Variants in NEGR1 observed in about 807,000 individuals in gnomAD.
The protein encoded by NEGR1 is IgLON family member 4.
Under a neutral mutation model 40.9 loss-of-function variants are expected in NEGR1, and 10 were observed. The observed-to-expected ratio is 0.24, with a 90% CI of 0.15 to 0.42. The LOEUF is 0.42. NEGR1 is among the 10% of genes least tolerant of loss of function. The pLI is 1.00. For missense variants in NEGR1, 352 were observed against 438.9 expected (o/e 0.80, Z 1.77); for synonymous variants, 185 against 166.8 (o/e 1.11, Z -0.84).
At chr1:72,221,380 A>G (rs1654006816) in intron 1 of NEGR1, among the ~76,000 whole-genome samples, 1 of 152,134 alleles carries the variant, frequency 6.6e-6, no homozygotes. Flanking sequence ...TCAATCAAGT[A>G]GAATAAATTA....
At chr1:71,748,008 C>G (rs912687892) in intron 3 of NEGR1, among the ~76,000 whole-genome samples, 2 of 152,088 alleles carry the variant, frequency 1.3e-5, no homozygotes, top group Non-Finnish European at 2.9e-5. Flanking sequence ...TTTGCTGAAG[C>G]CTTCTGATTT....
At chr1:72,280,208 T>A (rs1352693345) in intron 1 of NEGR1, among the ~76,000 whole-genome samples, 1 of 152,092 alleles carries the variant, frequency 6.6e-6, no homozygotes, top group African/African-American at 2.4e-5. Flanking sequence ...TTAGGGAAGC[T>A]CCACTGTTGG....
intron 6 of NEGR1, among the ~76,000 whole-genome samples, chr1:71,417,694 C>T (rs1260695989): frequency 2.0e-5 from 3 of 152,102 alleles, no homozygotes; most frequent in Non-Finnish European, 4.4e-5. Flanking sequence ...CTCAGTTGAA[C>T]AAAGGGGATA....
intron 2 of NEGR1, among the ~76,000 whole-genome samples, chr1:71,834,867 C>T (rs974658392): frequency 3.3e-5 from 3 of 89,598 alleles, no homozygotes; most frequent in African/African-American, 1.4e-4. Context: ...CAAACACCGT[C>T]GTTTTAAGAT....
chr1:72,131,720 G>A (rs1650258089), intron 1 of NEGR1, among the ~76,000 whole-genome samples: 1 of 152,142 alleles, frequency 6.6e-6, no homozygotes, highest in Non-Finnish European at 1.5e-5. Context: ...ATAAACCTAG[G>A]AATGTACTAC....
chr1:72,225,335 T>C (rs919332679), intron 1 of NEGR1, among the ~76,000 whole-genome samples: 2 of 151,982 alleles, frequency 1.3e-5, no homozygotes, highest in Non-Finnish European at 2.9e-5. Context: ...TGAGGTAAGA[T>C]CATGGTATAT....
At chr1:71,931,019 G>T (rs1645850270) in intron 2 of NEGR1, among the ~76,000 whole-genome samples, 1 of 152,122 alleles carries the variant, frequency 6.6e-6, no homozygotes, top group East Asian at 1.9e-4. Context: ...ATCCTCAAAA[G>T]GGCCCGGAAT....
intron 2 of NEGR1, among the ~76,000 whole-genome samples, chr1:71,819,902 T>A (rs999653349): frequency 1.3e-5 from 2 of 152,008 alleles, no homozygotes; most frequent in African/African-American, 4.8e-5. Context: ...AAGGCCATTA[T>A]GTATGTGCTA....
At chr1:71,683,469 G>A (rs1227626912) in intron 4 of NEGR1, among the ~76,000 whole-genome samples, 1 of 141,212 alleles carries the variant, frequency 7.1e-6, no homozygotes, top group African/African-American at 2.6e-5. Context: ...AAATTAAAAT[G>A]ATGCCTTTTG....
intron 1 of NEGR1, among the ~76,000 whole-genome samples, chr1:72,268,900 CT>C (rs58064544): frequency 1.3e-5 from 2 of 151,054 alleles, no homozygotes; most frequent in Admixed American, 6.6e-5. Context: ...GTTTGAAAGC[CT>C]TTTTTAACAA....
chr1:72,169,887 C>T (rs970849629), intron 1 of NEGR1, among the ~76,000 whole-genome samples: 4 of 152,044 alleles, frequency 2.6e-5, no homozygotes, highest in African/African-American at 4.8e-5. Context: ...CACTAATGTT[C>T]TGTGGAAAAT....
chr1:71,441,666 G>A (rs571785269), intron 6 of NEGR1, among the ~76,000 whole-genome samples: 3 of 152,162 alleles, frequency 2.0e-5, no homozygotes, highest in Admixed American at 6.5e-5. Flanking sequence ...ATGTTATCAC[G>A]TATACTAGAT....
chr1:71,950,111 G>T (rs1422702711), intron 1 of NEGR1, among the ~76,000 whole-genome samples: 1 of 151,964 alleles, frequency 6.6e-6, no homozygotes, highest in African/African-American at 2.4e-5. Context: ...TGAATTCAAA[G>T]ATGGGTTTTT....
chr1:71,850,926 G>A (rs1045954949), intron 2 of NEGR1, among the ~76,000 whole-genome samples: 1 of 152,164 alleles, frequency 6.6e-6, no homozygotes, highest in African/African-American at 2.4e-5. Flanking sequence ...ATAGTTTACA[G>A]TAACTTCTGA....
chr1:71,943,518 C>T (rs1328215194), intron 1 of NEGR1, among the ~76,000 whole-genome samples: 5 of 151,858 alleles, frequency 3.3e-5, no homozygotes, highest in Admixed American at 2.6e-4. Context: ...AAGAAGCTTC[C>T]AAGCAAGAAT....
At chr1:72,238,255 G>T (rs1654623907) in intron 1 of NEGR1, among the ~76,000 whole-genome samples, 1 of 151,662 alleles carries the variant, frequency 6.6e-6, no homozygotes, top group African/African-American at 2.4e-5. Context: ...ACCAAGCCCT[G>T]CCCTGAAGAA....
chr1:72,214,492 T>C (rs1382633481), intron 1 of NEGR1, among the ~76,000 whole-genome samples: 1 of 152,134 alleles, frequency 6.6e-6, no homozygotes, highest in Non-Finnish European at 1.5e-5. Context: ...AAAAACTCCT[T>C]AAGCTGATAA....
intron 1 of NEGR1, among the ~76,000 whole-genome samples, chr1:71,990,484 T>A (rs1322380423): frequency 6.6e-6 from 1 of 152,178 alleles, no homozygotes; most frequent in African/African-American, 2.4e-5. Context: ...GGAATCTTAA[T>A]ATCTGATGTT....
intron 4 of NEGR1, among the ~76,000 whole-genome samples, chr1:71,676,547 C>A (rs774636000): frequency 5.7e-4 from 86 of 152,090 alleles, no homozygotes; most frequent in Non-Finnish European, 1.1e-3. Flanking sequence ...TTCCTTCAAC[C>A]ATTGTTGGGT....
Sources: allele counts gnomAD v4.1 joint callset (sites outside exome capture counted in the v4.1 genomes callset), GRCh38; gene constraint gnomAD v4.1.1; transcripts MANE v1.5; gene names NCBI Gene and HGNC (gene_info 2026-07-23, HGNC 2026-07-21).